TREH: variants seen among roughly 807,000 people sequenced by gnomAD.
The protein encoded by TREH is alpha,alpha-trehalose glucohydrolase.
Under a neutral mutation model 80.5 loss-of-function variants are expected in TREH, and 69 were observed. The observed-to-expected ratio is 0.86, with a 90% CI of 0.71 to 1.05. The LOEUF is 1.05. Ranked by LOEUF, TREH falls within the 50% of genes least tolerant of loss-of-function variation. The pLI, the probability that TREH is intolerant of heterozygous loss-of-function variation, is 0.00. For missense variants in TREH, 716 were observed against 718.8 expected, an observed-to-expected ratio of 1.00 and a Z score of 0.04; for synonymous variants, 309 against 293.5, an observed-to-expected ratio of 1.05 and a Z score of -0.54.
rs1555145107 is a variant in TREH, at chr11:118,661,976, A to G, written c.438T>C (p.Val146=). The G allele has an allele frequency of 6.4e-7, 1 of 1,553,358 alleles. No individual in the cohort carries two copies. Among genetic ancestry groups the G allele is most frequent in the East Asian group, 2.4e-5 (1 of 41,076 alleles). Reference sequence around the variant, plus strand: ...GAGAGAACCGCTCAGGGTGGCTGAGAACCTCTGGCTTCATCTGGAGTCGGG... The same window carrying G: ...GAGAGAACCGCTCAGGGTGGCTGAGGACCTCTGGCTTCATCTGGAGTCGGG... ...KKLGKKMKPE[V]LSHPERFSLI... Residue 146 remains valine (V), a synonymous_variant, in exon 5 of 15, where the codon GTT becomes GTC. Transcript: ENST00000264029. The surrounding 1 kb of genome is among the most constrained non-coding windows in gnomAD (Gnocchi z 4.2).
Position 118,663,164 on chromosome 11 carries a change from T to C in TREH, c.223A>G (p.Arg75Gly), listed in dbSNP as rs782727127. ...CTGGGGATGCTGTGATTGTGGTCCC[T>C]GGACAGCTCAGTGAAGGTCTGCAGG... Reference protein sequence around the residue: ...QVLQTFTELSRDHNHSIPREQ... With the variant: ...QVLQTFTELSGDHNHSIPREQ... Residue 75 changes from arginine to glycine, a missense_variant, in exon 3 of 15, where the codon AGG becomes GGG. Arg to Gly is a moderately radical substitution (Grantham distance 125). Transcript: ENST00000264029. The C allele has an allele frequency of 6.2e-7, 1 of 1,613,252 alleles. No homozygotes were observed. Among genetic ancestry groups the C allele is most frequent in the Non-Finnish European group, 8.5e-7 (1 of 1,179,562 alleles).
At chr11:118,668,172 T>A (rs1326122411) in intron 1 of TREH, among the ~76,000 whole-genome samples, 1 of 152,008 alleles carries the variant, frequency 6.6e-6, no homozygotes, top group Non-Finnish European at 1.5e-5. Flanking sequence ...GCCTACAAAT[T>A]TACTTTTAAC....
chr11:118,668,535 C>T, intron 1 of TREH, among the ~76,000 whole-genome samples: 1 of 104,770 alleles, frequency 9.5e-6, no homozygotes, highest in Admixed American at 1.6e-4. Context: ...GTACTCCAGC[C>T]TGGGCAACAG....
intron 1 of TREH, among the ~76,000 whole-genome samples, chr11:118,668,884 A>T (rs1555145953): frequency 6.6e-6 from 1 of 151,834 alleles, no homozygotes; most frequent in African/African-American, 2.4e-5. Flanking sequence ...AGGTTGCGCC[A>T]CTGTGCTCCA....
At chr11:118,665,218 G>A (rs1194029933) in intron 1 of TREH, among the ~76,000 whole-genome samples, 3 of 152,166 alleles carry the variant, frequency 2.0e-5, no homozygotes, top group Admixed American at 1.3e-4. Context: ...GAGGGAGGGC[G>A]GAGTTGTTGG....
Position 118,662,983 on chromosome 11 carries a change from G to T in TREH, c.336-15C>A, listed in dbSNP as rs1555145269. 3 of 1,611,842 alleles carry T rather than the reference G, an allele frequency of 1.9e-6. No homozygotes were observed. The highest frequency in any genetic ancestry group is 2.2e-5 in the South Asian group (2 of 90,716). ...GGAACTGGGGGCTGAAAGAACACAG[G>T]CCCCACAGGGTTCAAGGAGGCAGCT... On this transcript the variant is annotated splice_polypyrimidine_tract_variant and intron_variant, in intron 3 of 14. Transcript: ENST00000264029.
At position 118,659,642 on chromosome 11, in the gene TREH, C is replaced by G; in HGVS notation, c.1320+105G>C. ...CTCTGGTGGGACCCGCAGGCTGGGA[C>G]AAGGGGCATAGCCGGAGGAAGCGCC... On this transcript the variant is annotated intron_variant, in intron 11 of 14. Transcript: ENST00000264029. 3 of 1,428,084 alleles carry G rather than the reference C, an allele frequency of 2.1e-6. No homozygotes were observed. The Admixed American group carries it at 6.2e-5, about 30-fold the overall frequency. The allele number at this position is 1,428,084 out of a possible 1,614,324, so 88.5% of individuals were successfully genotyped here. A position where few individuals can be genotyped will look rare whatever the true frequency, so the allele number is the denominator to read the frequency against.
Position 118,658,885 on chromosome 11 carries a change from G to A in TREH, c.1545+20C>T, listed in dbSNP as rs782704818. ...CACTGGGACAGCCTGGGGGTGCAGG[G>A]AGGGCTTGGGCCAGCTCACCTTCTC... On this transcript the variant is annotated intron_variant, in intron 13 of 14. Coordinates refer to ENST00000264029, the MANE Select transcript of TREH (RefSeq NM_007180.3). 23 of 1,613,110 alleles carry A rather than the reference G, an allele frequency of 1.4e-5. No individual in the cohort carries two copies. Among genetic ancestry groups the A allele is most frequent in the Non-Finnish European group, 1.5e-5 (18 of 1,179,252 alleles).
chr11:118,662,314 G>C (rs1949333237), intron 4 of TREH, among the ~76,000 whole-genome samples: 1 of 152,220 alleles, frequency 6.6e-6, no homozygotes, highest in African/African-American at 2.4e-5. Flanking sequence ...GGGTGAGGGG[G>C]GTGCCAGCCC....
chr11:118,663,574 T>C, intron 1 of TREH, 135 bp from the exon 2 acceptor site: 11 of 675,968 alleles, frequency 1.6e-5, no homozygotes, highest in South Asian at 1.8e-5. Context: ...TGCGTGCGTG[T>C]GTGTGTGTGT....
intron 1 of TREH, among the ~76,000 whole-genome samples, chr11:118,665,373 C>T (rs1294601598): frequency 4.6e-5 from 7 of 152,170 alleles, no homozygotes; most frequent in African/African-American, 1.7e-4. Context: ...GGTGCAGTGG[C>T]TCACGCCTGT....
chr11:118,658,877 G>A, intron 13 of TREH, 28 bp downstream of exon 13: 2 of 1,612,546 alleles, frequency 1.2e-6, no homozygotes, highest in Non-Finnish European at 1.7e-6. Flanking sequence ...ACAGCCTGGG[G>A]GTGCAGGGAG....
intron 11 of TREH, 130 bp downstream of exon 11, chr11:118,659,617 C>A: frequency 1.5e-6 from 2 of 1,371,304 alleles, no homozygotes; most frequent in Non-Finnish European, 9.9e-7. Context: ...CCCCCGGTGG[C>A]TCTGGTGGGA....
At chr11:118,659,635 G>A (rs540446493) in intron 11 of TREH, 112 bp downstream of exon 11, 3 of 1,404,374 alleles carry the variant, frequency 2.1e-6, no homozygotes, top group Non-Finnish European at 2.9e-6. Context: ...GGACCCGCAG[G>A]CTGGGACAAG....
Position 118,663,181 on chromosome 11 carries a change from G to T in TREH, c.206C>A (p.Thr69Asn). 1.2e-6 allele frequency: 2 copies of T among 1,611,420 alleles called. No homozygotes were observed. Among genetic ancestry groups the T allele is most frequent in the Non-Finnish European group, 1.7e-6 (2 of 1,178,754 alleles). Residue 69 changes from threonine to asparagine, a missense_variant, in exon 3 of 15, where the codon ACC becomes AAC. Transcript: ENST00000264029. ...LSIAPEQVLQ[T>N]FTELSRDHNH... is the part of the protein sequence containing the mutation. ...GTGGTCCCTGGACAGCTCAGTGAAG[G>T]TCTGCAGGACTTGTTCTGGAGAGCA...
chr11:118,663,866 G>A (rs1949352711), intron 1 of TREH, among the ~76,000 whole-genome samples: 1 of 152,072 alleles, frequency 6.6e-6, no homozygotes, highest in Non-Finnish European at 1.5e-5. Flanking sequence ...ATTTCCAGGC[G>A]GTGTATGGTA....
intron 1 of TREH, among the ~76,000 whole-genome samples, chr11:118,678,784 G>GT (rs1949505011): frequency 6.6e-6 from 1 of 151,820 alleles, no homozygotes; most frequent in Non-Finnish European, 1.5e-5. Context: ...ACAGGACAGG[G>GT]TCACTCATCT....
intron 1 of TREH, among the ~76,000 whole-genome samples, chr11:118,671,996 C>T (rs1346486819): frequency 1.3e-5 from 2 of 152,158 alleles, no homozygotes; most frequent in Non-Finnish European, 2.9e-5. Context: ...GAAATAAAGA[C>T]TTTCCCAGAC....
At chr11:118,670,405 A>G (rs1555146144) in intron 1 of TREH, among the ~76,000 whole-genome samples, 2 of 152,258 alleles carry the variant, frequency 1.3e-5, no homozygotes, top group Non-Finnish European at 2.9e-5. Flanking sequence ...CCCTTGTAGC[A>G]AAACAATTAT....
Sources: gnomAD v4.1 joint callset for allele counts (sites outside exome capture counted in the v4.1 genomes callset) on GRCh38, gnomAD v4.1.1 for gene constraint, Gnocchi (gnomAD v3.1) non-coding constraint, MANE v1.5 for transcripts, NCBI Gene and HGNC (gene_info 2026-07-23, HGNC 2026-07-21) for gene names.